Variants in TEAD1 observed in about 807,000 individuals in gnomAD.
TEAD1 encodes the protein TEA domain transcription factor 1.
Under a neutral mutation model 54.9 loss-of-function variants are expected in TEAD1, and 9 were observed. The observed-to-expected ratio is 0.16, with a 90% CI of 0.10 to 0.29. TEAD1 has a LOEUF of 0.29. Among genes scored for constraint, TEAD1 ranks in the 10% least tolerant of loss-of-function variants. TEAD1 has a pLI of 1.00. For synonymous variants in TEAD1, 200 were observed against 187.8 expected (o/e 1.07, Z -0.53); for missense variants, 387 against 535.9 (o/e 0.72, Z 2.74).
intron 3 of TEAD1, among the ~76,000 whole-genome samples, chr11:12,787,962 CTTTT>C (rs35774588): frequency 3.0e-5 from 4 of 131,688 alleles, no homozygotes; most frequent in Admixed American, 7.6e-5. Context: ...AAATCTTTCA[CTTTT>C]TTTTTTTTTT....
At chr11:12,729,152 A>G (rs1451107698) in intron 2 of TEAD1, among the ~76,000 whole-genome samples, 3 of 152,354 alleles carry the variant, frequency 2.0e-5, no homozygotes, top group Admixed American at 6.5e-5. Context: ...AACTTCATAT[A>G]TAGTTATTGA....
intron 10 of TEAD1, among the ~76,000 whole-genome samples, chr11:12,920,555 C>T (rs1948786400): frequency 6.6e-6 from 1 of 152,128 alleles, no homozygotes; most frequent in Admixed American, 6.5e-5. Context: ...CTAGGCTGGT[C>T]TCAAACTCCT....
intron 3 of TEAD1, among the ~76,000 whole-genome samples, chr11:12,861,874 T>C (rs1430009926): frequency 1.3e-5 from 2 of 152,056 alleles, no homozygotes; most frequent in African/African-American, 4.8e-5. Context: ...TAATCCCAGC[T>C]ACTTGGGATG....
chr11:12,688,705 C>T (rs149751990), intron 2 of TEAD1, among the ~76,000 whole-genome samples: 1 of 152,300 alleles, frequency 6.6e-6, no homozygotes, highest in African/African-American at 2.4e-5. Flanking sequence ...AACTCTATCT[C>T]GGCTTCTTGT....
intron 3 of TEAD1, among the ~76,000 whole-genome samples, chr11:12,807,294 G>T (rs1442309155): frequency 1.3e-5 from 2 of 152,130 alleles, no homozygotes; most frequent in Non-Finnish European, 2.9e-5. Flanking sequence ...GTTTCTGTCC[G>T]CTCAAATACA....
chr11:12,920,334 T>C (rs1948781230), intron 10 of TEAD1, among the ~76,000 whole-genome samples: 3 of 152,204 alleles, frequency 2.0e-5, no homozygotes, highest in African/African-American at 7.2e-5. Context: ...CTAAACTTAG[T>C]TAACATTTTA....
chr11:12,786,673 G>T (rs904238692), intron 3 of TEAD1, among the ~76,000 whole-genome samples: 1 of 152,192 alleles, frequency 6.6e-6, no homozygotes. Context: ...GGATATGTCA[G>T]ATGCCACTCT....
At chr11:12,723,383 C>T (rs888902997) in intron 2 of TEAD1, among the ~76,000 whole-genome samples, 1 of 152,116 alleles carries the variant, frequency 6.6e-6, no homozygotes, top group Non-Finnish European at 1.5e-5. Flanking sequence ...GTCAGATTTT[C>T]TGTGTAGAGC....
rs140767149 is a variant in TEAD1 at position 12,738,155 on chromosome 11, T to C, written c.-54-26024T>C. Among the ~76,000 whole-genome samples the C allele has an allele frequency of 3.3e-3, 499 of 152,246 alleles. 3 individuals carry two copies. Among genetic ancestry groups the C allele is most frequent in the East Asian group, 0.026 (136 of 5,178 alleles). On this transcript the variant is annotated intron_variant, in intron 2 of 12. Coordinates refer to ENST00000527636, the MANE Select transcript of TEAD1 (RefSeq NM_021961.6). ...CGATTCAAGATGAGATTTGGGTGGG[T>C]ACACAGCCAAACCATATCAGATGGT...
chr11:12,805,562 C>T (rs1445726208), intron 3 of TEAD1, among the ~76,000 whole-genome samples: 2 of 152,110 alleles, frequency 1.3e-5, no homozygotes, highest in African/African-American at 2.4e-5. Context: ...GAATTAGGGC[C>T]TTAGGTCTAC....
chr11:12,910,747 C>CTTTTTTTTTT lies in TEAD1; in HGVS notation c.873+8642_873+8651dup, dbSNP rs5789752. 2.7e-3 allele frequency among the ~76,000 whole-genome samples: 327 copies of CTTTTTTTTTT among 119,898 alleles called. 17 individuals are homozygous for CTTTTTTTTTT. Among genetic ancestry groups the CTTTTTTTTTT allele is most frequent in the African/African-American group, 7.7e-3 (241 of 31,202 alleles). The allele number at this position is 119,898 out of a possible 152,430, so 78.7% of individuals were successfully genotyped here. On this transcript the variant is annotated intron_variant, in intron 10 of 12. Transcript: ENST00000527636. Reference sequence around the variant, plus strand: ...ACTGTCTACATAGTTACTTAATTTGCTTTTTTTTTTTTTTTTTGAGATGGA... The same window carrying CTTTTTTTTTT: ...ACTGTCTACATAGTTACTTAATTTGCTTTTTTTTTTTTTTTTTTTTTTTTTTTGAGATGGA...
intron 10 of TEAD1, among the ~76,000 whole-genome samples, chr11:12,924,553 T>TA (rs909785333): frequency 6.6e-6 from 1 of 152,302 alleles, no homozygotes; most frequent in African/African-American, 2.4e-5. Context: ...TTGTTTTTTT[T>TA]AAAAAATATC....
chr11:12,921,090 A>G (rs1208035517), intron 10 of TEAD1: 1 of 152,222 alleles, frequency 6.6e-6, no homozygotes, highest in Admixed American at 6.5e-5. Flanking sequence ...ATATGCTTGA[A>G]TACCTAAGTG....
At chr11:12,843,345 T>G (rs1398552525) in intron 3 of TEAD1, among the ~76,000 whole-genome samples, 2 of 152,246 alleles carry the variant, frequency 1.3e-5, no homozygotes, top group Admixed American at 1.3e-4. Flanking sequence ...AGCACTCTAT[T>G]CAAAGTAGAA....
chr11:12,937,308 G>C lies in TEAD1; in HGVS notation c.*86G>C. ...ACTCTCTCTCCATTATCGAACGACT[G>C]ACTGTAAACCTCACCACACAGGGTG... On this transcript the variant is annotated 3_prime_UTR_variant, in exon 13 of 13. Transcript: ENST00000527636. The C allele has an allele frequency of 2.1e-5, 24 of 1,168,720 alleles. No homozygotes were observed. Among genetic ancestry groups the C allele is most frequent in the Non-Finnish European group, 3.0e-5 (24 of 796,626 alleles). 72.4% of individuals were successfully genotyped at this position (1,168,720 alleles called of 1,614,324 possible).
intron 5 of TEAD1, among the ~76,000 whole-genome samples, chr11:12,878,673 T>C (rs563035986): frequency 6.6e-6 from 1 of 152,172 alleles, no homozygotes; most frequent in East Asian, 1.9e-4. Context: ...TTCTCAATCA[T>C]TGCCTTTCTA....
At chr11:12,684,673 G>A (rs1275091923) in intron 2 of TEAD1, among the ~76,000 whole-genome samples, 1 of 152,130 alleles carries the variant, frequency 6.6e-6, no homozygotes, top group East Asian at 1.9e-4. Flanking sequence ...TTGGAGTAAA[G>A]TTTAGATTAG....
chr11:12,853,147 A>C (rs2134054034), intron 3 of TEAD1, among the ~76,000 whole-genome samples: 1 of 152,206 alleles, frequency 6.6e-6, no homozygotes, highest in Non-Finnish European at 1.5e-5. Flanking sequence ...GGTTTCTTGG[A>C]GGGGACATCT....
chr11:12,907,040 C>T (rs756014825), intron 10 of TEAD1, among the ~76,000 whole-genome samples: 7 of 152,230 alleles, frequency 4.6e-5, no homozygotes, highest in Admixed American at 2.0e-4. Flanking sequence ...CTGGGTCCTA[C>T]GGTAACTCTA....
Sources: allele counts gnomAD v4.1 joint callset (sites outside exome capture counted in the v4.1 genomes callset), GRCh38; gene constraint gnomAD v4.1.1; transcripts MANE v1.5; gene names NCBI Gene and HGNC (gene_info 2026-07-23, HGNC 2026-07-21).